The following ZNF567 variants were observed in gnomAD, a reference collection of about 807,000 sequenced individuals.
ZNF567 encodes zinc finger protein 567.
In ZNF567, 36 loss-of-function variants were observed where a neutral mutation model predicts 53.9. The ratio of observed to expected loss-of-function variants is 0.67; its 90% CI spans 0.51 to 0.88. ZNF567 has a LOEUF of 0.88. ZNF567 is among the 40% of genes least tolerant of loss of function. The pLI is 0.00. For missense variants in ZNF567, 619 were observed against 764.7 expected (o/e 0.81, Z 2.25); for synonymous variants, 224 against 260.4 (o/e 0.86, Z 1.35).
chr19:36,680,758 A>T, the ZNF567 span, among the ~76,000 whole-genome samples: 1 of 152,170 alleles, frequency 6.6e-6, no homozygotes, highest in Non-Finnish European at 1.5e-5. Flanking sequence ...GGCTGTAGCC[A>T]TTCCTTGACC....
chr19:36,669,234 G>A, the ZNF567 span: 3 of 152,116 alleles, frequency 2.0e-5, no homozygotes, highest in Non-Finnish European at 4.4e-5. Context: ...AGTGGTTTGC[G>A]AATATGCTCA....
chr19:36,710,227 A>G (rs1052892793), intron 3 of ZNF567, among the ~76,000 whole-genome samples: 1 of 137,414 alleles, frequency 7.3e-6, no homozygotes, highest in African/African-American at 2.7e-5. Context: ...TCTCTAGTTA[A>G]TTTTTTATTT....
At chr19:36,725,066 A>G (rs1190128810), downstream of ZNF567, among the ~76,000 whole-genome samples, 11 of 152,212 alleles carry the variant, frequency 7.2e-5, no homozygotes. Context: ...TCCTTTCAGC[A>G]CTTGAAAAAT....
intron 1 of ZNF567, among the ~76,000 whole-genome samples, chr19:36,688,935 T>TA (rs996676244): frequency 2.6e-5 from 4 of 152,020 alleles, no homozygotes; most frequent in African/African-American, 9.7e-5. Flanking sequence ...CCGTCTCTAC[T>TA]AAAAAATATA....
At position 36,694,784 on chromosome 19, in the gene ZNF567, T is replaced by A. The variant is rs1400114183; in HGVS notation, c.-66-18T>A. On this transcript the variant is annotated intron_variant, in intron 2 of 5. Transcript: ENST00000682579. ...GTGGTCTCATGTGGCTTTTTTTGTC[T>A]CGGCTTTGCCTCCTTAGGAACTGCC... 3 of 1,400,154 alleles carry A rather than the reference T, an allele frequency of 2.1e-6. No individual in the cohort carries two copies. In the African/African-American group the frequency reaches 4.4e-5, roughly 21 times the overall value. The allele number at this position is 1,400,154 out of a possible 1,614,324, so 86.7% of individuals were successfully genotyped here.
At position 36,719,077 on chromosome 19, in the gene ZNF567, T is replaced by C. The variant is rs368510159; in HGVS notation, c.353T>C (p.Phe118Ser). 1.2e-5 allele frequency: 20 copies of C among 1,612,972 alleles called. No homozygotes were observed. The highest frequency in any genetic ancestry group is 3.3e-5 in the Admixed American group (2 of 59,834). Residue 118 changes from phenylalanine to serine, a missense_variant, in exon 6 of 6, where the codon TTT becomes TCT. Coordinates refer to ENST00000682579, the MANE Select transcript of ZNF567 (RefSeq NM_001322917.1). ...KEKSKIYEKT[F>S]TLGKNPVNSK... ...AAGAGTAAAATATATGAAAAGACAT[T>C]TACTCTAGGCAAAAACCCTGTGAAT...
the ZNF567 span, among the ~76,000 whole-genome samples, chr19:36,674,671 C>G: frequency 6.6e-6 from 1 of 152,064 alleles, no homozygotes; most frequent in Non-Finnish European, 1.5e-5. Flanking sequence ...TAGTTGGGTC[C>G]AAATTAATAT....
At chr19:36,723,391 G>C, downstream of ZNF567, 1 of 621,360 alleles carries the variant, frequency 1.6e-6, no homozygotes, top group East Asian at 2.7e-5. Flanking sequence ...TGATTATCAT[G>C]AAATAGCCAT....
chr19:36,674,181 A>C, the ZNF567 span, among the ~76,000 whole-genome samples: 1 of 152,222 alleles, frequency 6.6e-6, no homozygotes, highest in Non-Finnish European at 1.5e-5. Context: ...ACTTCCTAAG[A>C]GACAAATTGT....
At chr19:36,669,913 T>C in the ZNF567 span, among the ~76,000 whole-genome samples, 1 of 152,202 alleles carries the variant, frequency 6.6e-6, no homozygotes, top group Non-Finnish European at 1.5e-5. Flanking sequence ...ATTAACTCTT[T>C]AGTAGATTTC....
At chr19:36,681,565 G>A in the ZNF567 span, among the ~76,000 whole-genome samples, 2 of 151,974 alleles carry the variant, frequency 1.3e-5, no homozygotes, top group East Asian at 3.9e-4. Context: ...AAGTATCTGG[G>A]ACTACAGGCA....
chr19:36,709,334 A>G (rs1031675077), intron 3 of ZNF567, among the ~76,000 whole-genome samples: 3 of 152,244 alleles, frequency 2.0e-5, no homozygotes, highest in African/African-American at 7.2e-5. Context: ...AGCAGAAGAC[A>G]TTCCCTGACT....
the ZNF567 span, among the ~76,000 whole-genome samples, chr19:36,675,273 C>T: frequency 6.6e-6 from 1 of 152,108 alleles, no homozygotes; most frequent in African/African-American, 2.4e-5. Context: ...GGTGTGGTGG[C>T]TCACACATGT....
At chr19:36,718,552 T>C (rs2145908000) in intron 5 of ZNF567, among the ~76,000 whole-genome samples, 1 of 152,228 alleles carries the variant, frequency 6.6e-6, no homozygotes, top group Non-Finnish European at 1.5e-5. Context: ...AGAAGTAATC[T>C]TTCCTCTAGT....
downstream of ZNF567, among the ~76,000 whole-genome samples, chr19:36,725,765 C>CAGT (rs2040333205): frequency 6.6e-6 from 1 of 152,172 alleles, no homozygotes; most frequent in African/African-American, 2.4e-5. Flanking sequence ...CCTCCCACCT[C>CAGT]AGCTTCCTGA....
rs545035484 is a variant in ZNF567 at position 36,707,875 on chromosome 19, G to A, written c.10-4511G>A. 1.6e-4 allele frequency among the ~76,000 whole-genome samples: 25 copies of A among 152,146 alleles called. No individual in the cohort carries two copies. The South Asian group carries it at 3.5e-3, about 21-fold the overall frequency. ...ATTACAGGCGTGAGCCACTGCGCCC[G>A]GCCTATAATAATCCTGTTTTAACAT... On this transcript the variant is annotated intron_variant, in intron 3 of 5. Transcript: ENST00000682579.
At chr19:36,722,059 T>A (rs2040309798), downstream of ZNF567, among the ~76,000 whole-genome samples, 1 of 152,006 alleles carries the variant, frequency 6.6e-6, no homozygotes, top group South Asian at 2.1e-4. Flanking sequence ...AAGCCTTTTC[T>A]ACCATAATCT....
At chr19:36,705,052 T>TAA (rs968450320) in intron 3 of ZNF567, among the ~76,000 whole-genome samples, 12 of 152,242 alleles carry the variant, frequency 7.9e-5, no homozygotes, top group Non-Finnish European at 1.3e-4. Context: ...ACCCCTTTTT[T>TAA]ATTCTTGTTA....
In ZNF567 at chr19:36,694,861, C is replaced by G; in HGVS notation, c.-7C>G. 6.6e-7 allele frequency: 1 copy of G among 1,522,466 alleles called. No individual in the cohort carries two copies. The highest frequency in any genetic ancestry group is 8.8e-7 in the Non-Finnish European group (1 of 1,142,358). The allele number at this position is 1,522,466 out of a possible 1,614,324, so 94.3% of individuals were successfully genotyped here. A position where few individuals can be genotyped will look rare whatever the true frequency, so the allele number is the denominator to read the frequency against. ...AGGACTGGTCATCTCTTTCATATCT[C>G]AAAACCATGGCTCAGGTAAGGCGAT... On this transcript the variant is annotated 5_prime_UTR_variant, in exon 3 of 6. Coordinates refer to ENST00000682579, the MANE Select transcript of ZNF567 (RefSeq NM_001322917.1).
Sources: allele counts gnomAD v4.1 joint callset (sites outside exome capture counted in the v4.1 genomes callset), GRCh38; gene constraint gnomAD v4.1.1; transcripts MANE v1.5; gene names NCBI Gene and HGNC (gene_info 2026-07-23, HGNC 2026-07-21).